DRC8: variants seen among roughly 807,000 people sequenced by gnomAD.
The protein encoded by DRC8 is dynein regulatory complex protein 8.
At chr1:245,020,320 A>G in the DRC8 span, among the ~76,000 whole-genome samples, 3 of 152,156 alleles carry the variant, frequency 2.0e-5, no homozygotes, top group Non-Finnish European at 2.9e-5. Context: ...AAGCATTATG[A>G]GCTGGGCTCC....
At chr1:244,970,722 C>T in the DRC8 span, 14 of 471,910 alleles carry the variant, frequency 3.0e-5, no homozygotes, top group Non-Finnish European at 5.1e-5. Flanking sequence ...CCCCTCCTCC[C>T]GCCTTCTTCT....
At chr1:245,035,186 CTTT>C in the DRC8 span, among the ~76,000 whole-genome samples, 1 of 130,284 alleles carries the variant, frequency 7.7e-6, no homozygotes, top group African/African-American at 3.1e-5. Flanking sequence ...TCCTGGTTGC[CTTT>C]TTTTTTTTTT....
At chr1:245,004,681 G>A in the DRC8 span, among the ~76,000 whole-genome samples, 6 of 152,168 alleles carry the variant, frequency 3.9e-5, no homozygotes, top group Non-Finnish European at 8.8e-5. Flanking sequence ...CTTAACGTGT[G>A]TGCCAGATTA....
chr1:244,986,936 C>G, the DRC8 span, among the ~76,000 whole-genome samples: 1 of 152,018 alleles, frequency 6.6e-6, no homozygotes, highest in South Asian at 2.1e-4. Context: ...GAATGAACAC[C>G]TTTCAGTCCA....
the DRC8 span, among the ~76,000 whole-genome samples, chr1:245,066,329 A>G: frequency 6.6e-6 from 1 of 152,224 alleles, no homozygotes; most frequent in East Asian, 1.9e-4. Context: ...AGTATTAATA[A>G]TGTAAATCTA....
At chr1:245,029,525 T>G in the DRC8 span, among the ~76,000 whole-genome samples, 1 of 152,028 alleles carries the variant, frequency 6.6e-6, no homozygotes, top group African/African-American at 2.4e-5. Flanking sequence ...CTGGAACTCC[T>G]GACCTCAGGT....
chr1:245,109,099 T>C, the DRC8 span, among the ~76,000 whole-genome samples: 4 of 152,184 alleles, frequency 2.6e-5, no homozygotes, highest in Admixed American at 1.3e-4. Flanking sequence ...TGGAGCTGAA[T>C]CTTGCTGGGC....
the DRC8 span, among the ~76,000 whole-genome samples, chr1:245,004,417 A>G: frequency 2.3e-5 from 3 of 129,858 alleles, no homozygotes; most frequent in Non-Finnish European, 3.3e-5. Flanking sequence ...AAAACTTAGA[A>G]TGATACTTTT....
At chr1:245,034,683 A>G in the DRC8 span, among the ~76,000 whole-genome samples, 1 of 151,516 alleles carries the variant, frequency 6.6e-6, no homozygotes. Context: ...ATTAAGACTC[A>G]TTAAATGCCT....
At chr1:245,078,823 T>C in the DRC8 span, among the ~76,000 whole-genome samples, 10,238 of 152,248 alleles carry the variant, frequency 0.067, 393 homozygotes, top group Non-Finnish European at 0.08. Context: ...TCACCACACA[T>C]ACAAAAAAGG....
At chr1:245,080,963 G>A in the DRC8 span, among the ~76,000 whole-genome samples, 20 of 152,042 alleles carry the variant, frequency 1.3e-4, no homozygotes, top group Non-Finnish European at 2.2e-4. Context: ...GAGAGTCTTC[G>A]CGTATTCAGT....
the DRC8 span, among the ~76,000 whole-genome samples, chr1:245,114,507 C>T: frequency 2.0e-5 from 3 of 152,010 alleles, no homozygotes; most frequent in Admixed American, 6.6e-5. Flanking sequence ...CCCTAGATTC[C>T]TTCATGTACA....
At chr1:245,004,029 A>T in the DRC8 span, among the ~76,000 whole-genome samples, 95,346 of 151,966 alleles carry the variant, frequency 0.63, 30,009 homozygotes, top group East Asian at 0.75. Context: ...TGAGAATTGG[A>T]CTAAATCAAA....
chr1:245,065,191 T>C, the DRC8 span, among the ~76,000 whole-genome samples: 143 of 149,086 alleles, frequency 9.6e-4, 4 homozygotes, highest in East Asian at 0.026. Context: ...CCTCCCAAAT[T>C]ACAGGCGCAT....
At chr1:245,035,464 T>C in the DRC8 span, among the ~76,000 whole-genome samples, 4 of 152,160 alleles carry the variant, frequency 2.6e-5, no homozygotes, top group South Asian at 8.3e-4. Flanking sequence ...GACAATTCGA[T>C]AGAAAAAAGA....
the DRC8 span, among the ~76,000 whole-genome samples, chr1:245,085,515 C>G: frequency 1.3e-5 from 2 of 151,996 alleles, no homozygotes; most frequent in African/African-American, 4.8e-5. Context: ...CATGCTATTT[C>G]AGAGAGAAAA....
chr1:245,008,152 G>GGT, the DRC8 span, among the ~76,000 whole-genome samples: 33,636 of 151,836 alleles, frequency 0.22, 4,052 homozygotes, highest in African/African-American at 0.32. Flanking sequence ...CTTCAGCCTG[G>GGT]GACAGAGCAC....
chr1:245,098,842 G>A, the DRC8 span, among the ~76,000 whole-genome samples: 1 of 152,228 alleles, frequency 6.6e-6, no homozygotes, highest in Non-Finnish European at 1.5e-5. Context: ...CTGCAGAACT[G>A]AACGGAGTTC....
the DRC8 span, among the ~76,000 whole-genome samples, chr1:245,114,224 G>A: frequency 2.6e-4 from 40 of 152,144 alleles, no homozygotes; most frequent in Admixed American, 7.2e-4. Context: ...CAGCACTTTG[G>A]GAGGCCGAGG....
Sources: gnomAD v4.1 joint callset for allele counts (sites outside exome capture counted in the v4.1 genomes callset) on GRCh38, gnomAD v4.1.1 for gene constraint, MANE v1.5 for transcripts, NCBI Gene and HGNC (gene_info 2026-07-23, HGNC 2026-07-21) for gene names.